LTBP1: variants seen among roughly 807,000 people sequenced by gnomAD.
The protein encoded by LTBP1 is latent-transforming growth factor beta-binding protein 1.
LTBP1 carries 129 observed loss-of-function variants against 207.6 expected under a neutral mutation model. The observed-to-expected ratio is 0.62, with a 90% CI of 0.54 to 0.72. LTBP1 has a LOEUF of 0.72. Ranked by LOEUF, LTBP1 falls within the 30% of genes least tolerant of loss-of-function variation. The pLI, the probability that LTBP1 is intolerant of heterozygous loss-of-function variation, is 0.00. For missense variants in LTBP1, 2,281 were observed against 2,217.2 expected, an observed-to-expected ratio of 1.03 and a Z score of -0.58; for synonymous variants, 963 against 833.7, an observed-to-expected ratio of 1.16 and a Z score of -2.67.
At chr2:33,116,698 T>C (rs1369199239) in intron 4 of LTBP1, among the ~76,000 whole-genome samples, 1 of 150,250 alleles carries the variant, frequency 6.7e-6, no homozygotes, top group Non-Finnish European at 1.5e-5. Flanking sequence ...CTTAAAAAAA[T>C]TGTCTAGTTG....
At chr2:33,382,111 T>TTTTTTTTTTTTTTTTTTTTTTTG (rs1553316521) in intron 31 of LTBP1, among the ~76,000 whole-genome samples, 4 of 103,652 alleles carry the variant, frequency 3.9e-5, no homozygotes, top group African/African-American at 1.9e-4. Context: ...TTTTTTTTTT[T>TTTTTTTTTTTTTTTTTTTTTTTG]TGAGACAGAG....
intron 3 of LTBP1, among the ~76,000 whole-genome samples, chr2:33,062,402 T>G (rs2077309053): frequency 6.6e-6 from 1 of 152,194 alleles, no homozygotes. Context: ...TTCCTATGAT[T>G]TCTTCTAGAG....
intron 2 of LTBP1, among the ~76,000 whole-genome samples, chr2:32,965,039 TA>T (rs1017366407): frequency 2.4e-4 from 36 of 151,640 alleles, no homozygotes; most frequent in African/African-American, 8.2e-4. Context: ...ACTATCTTAA[TA>T]AAAAAAACAA....
intron 31 of LTBP1, among the ~76,000 whole-genome samples, chr2:33,377,585 A>C (rs973514238): frequency 6.6e-6 from 1 of 152,260 alleles, no homozygotes; most frequent in South Asian, 2.1e-4. Context: ...TTATGATAAT[A>C]ATCTTACTGA....
At chr2:33,391,492 G>A (rs1163275069) in intron 32 of LTBP1, among the ~76,000 whole-genome samples, 1 of 152,190 alleles carries the variant, frequency 6.6e-6, no homozygotes, top group Admixed American at 6.5e-5. Context: ...AGCCCAGCTT[G>A]CCCCATTAAT....
chr2:33,351,050 A>G (rs1402845447), intron 26 of LTBP1, among the ~76,000 whole-genome samples: 2 of 152,232 alleles, frequency 1.3e-5, no homozygotes, highest in Non-Finnish European at 2.9e-5. Context: ...ATCAGGAAGT[A>G]TAAAGCATAT....
At chr2:33,038,714 TAA>T (rs2076041567) in intron 3 of LTBP1, among the ~76,000 whole-genome samples, 1 of 152,244 alleles carries the variant, frequency 6.6e-6, no homozygotes, top group African/African-American at 2.4e-5. Context: ...GGCTAGACCA[TAA>T]AGTTTCCTGT....
intron 24 of LTBP1, 74 bp from the exon 25 acceptor site, chr2:33,342,764 T>C: frequency 6.5e-7 from 1 of 1,530,250 alleles, no homozygotes; most frequent in Non-Finnish European, 8.9e-7. Context: ...TGAGTGCCTC[T>C]GTTTATCCAT....
At chr2:33,279,593 A>G (rs1302335012) in intron 18 of LTBP1, among the ~76,000 whole-genome samples, 4 of 151,990 alleles carry the variant, frequency 2.6e-5, no homozygotes. Context: ...TCTTGGGCCC[A>G]TGAAGCCAAA....
chr2:32,963,797 T>G (rs1679520398), intron 2 of LTBP1, among the ~76,000 whole-genome samples: 1 of 152,148 alleles, frequency 6.6e-6, no homozygotes, highest in Non-Finnish European at 1.5e-5. Context: ...TTGGAACCCC[T>G]GGTAGTAGAC....
chr2:33,061,866 T>G (rs2077286260), intron 3 of LTBP1, among the ~76,000 whole-genome samples: 1 of 152,160 alleles, frequency 6.6e-6, no homozygotes, highest in South Asian at 2.1e-4. Context: ...GTGGTTAGCT[T>G]TATAAGAAAC....
At chr2:32,949,011 G>A in intron 2 of LTBP1, 66 bp downstream of exon 2, 1 of 1,497,378 alleles carries the variant, frequency 6.7e-7, no homozygotes, top group Non-Finnish European at 9.3e-7. Context: ...CCACATGGGG[G>A]CATCTCACAA....
chr2:33,061,638 G>C (rs1368216024), intron 3 of LTBP1, among the ~76,000 whole-genome samples: 1 of 152,132 alleles, frequency 6.6e-6, no homozygotes, highest in Non-Finnish European at 1.5e-5. Context: ...TGAATAAGCA[G>C]TTCATTCCTT....
At chr2:33,077,429 A>G (rs919656914) in intron 3 of LTBP1, among the ~76,000 whole-genome samples, 22 of 152,352 alleles carry the variant, frequency 1.4e-4, no homozygotes, top group African/African-American at 4.8e-4. Context: ...GCACGGCAGC[A>G]TCTGCTTCTG....
At position 33,228,697 on chromosome 2, in the gene LTBP1, C is replaced by CTTTTTTTTTTTTTTTTTTTTTTTT. The variant is rs1244221993; in HGVS notation, c.1876+6567_1876+6568insTTTTTTTTTTTTTTTTTTTTTTTT. Among the ~76,000 whole-genome samples the CTTTTTTTTTTTTTTTTTTTTTTTT allele has an allele frequency of 5.1e-3, 503 of 98,998 alleles. 134 individuals are homozygous for CTTTTTTTTTTTTTTTTTTTTTTTT. Among genetic ancestry groups the CTTTTTTTTTTTTTTTTTTTTTTTT allele is most frequent in the Non-Finnish European group, 6.0e-3 (309 of 51,684 alleles). 64.9% of individuals were successfully genotyped at this position (98,998 alleles called of 152,430 possible). ...TAATAAGCCCAACCAGGGTTATACCCTTTTTTTTTTTTTTTTTTTTTGAGA... is the reference window on the plus strand; with the variant it reads ...TAATAAGCCCAACCAGGGTTATACCCTTTTTTTTTTTTTTTTTTTTTTTTTTTTTTTTTTTTTTTTTTTTTGAGA... On this transcript the variant is annotated intron_variant, in intron 9 of 33. Transcript: ENST00000404816.
intron 7 of LTBP1, among the ~76,000 whole-genome samples, chr2:33,217,218 A>G (rs1412947918): frequency 6.6e-6 from 1 of 152,216 alleles, no homozygotes; most frequent in Non-Finnish European, 1.5e-5. Context: ...ACTAAAATCT[A>G]AAAAGCCTAT....
At chr2:32,971,877 C>A (rs951116897) in intron 2 of LTBP1, among the ~76,000 whole-genome samples, 3 of 152,140 alleles carry the variant, frequency 2.0e-5, no homozygotes, top group Non-Finnish European at 2.9e-5. Flanking sequence ...AGGAATGGTA[C>A]AACCTCTTCT....
chr2:33,361,409 T>TC lies in LTBP1; in HGVS notation c.4184-20_4184-19insC. Reference sequence around the variant, plus strand: ...GAAGATGTTGAATCTTTTTTTTTTTTTTGTCTCTTCTAAAATCAGCTGAGT... The same window carrying TC: ...GAAGATGTTGAATCTTTTTTTTTTTTCTTGTCTCTTCTAAAATCAGCTGAGT... On this transcript the variant is annotated intron_variant, in intron 27 of 33. Transcript: ENST00000404816. 1 of 1,508,648 alleles carries TC rather than the reference T, an allele frequency of 6.6e-7. No homozygotes were observed. Among genetic ancestry groups the TC allele is most frequent in the South Asian group, 1.2e-5 (1 of 81,682 alleles). 93.5% of individuals were successfully genotyped at this position (1,508,648 alleles called of 1,614,324 possible).
chr2:33,306,917 G>A (rs977667776), intron 22 of LTBP1, among the ~76,000 whole-genome samples: 2 of 151,870 alleles, frequency 1.3e-5, no homozygotes, highest in East Asian at 1.9e-4. Context: ...GTGAAACCCC[G>A]TCTCTACTAA....
Sources: gnomAD v4.1 joint callset for allele counts (sites outside exome capture counted in the v4.1 genomes callset) on GRCh38, gnomAD v4.1.1 for gene constraint, MANE v1.5 for transcripts, NCBI Gene and HGNC (gene_info 2026-07-23, HGNC 2026-07-21) for gene names.